The following FBN1 variants were observed in gnomAD, a reference collection of about 807,000 sequenced individuals.
FBN1 encodes fibrillin-1.
Under a neutral mutation model 365.1 loss-of-function variants are expected in FBN1, and 29 were observed. That is an observed-to-expected ratio of 0.08 (90% CI 0.06 to 0.11). FBN1 has a LOEUF of 0.11. Ranked by LOEUF, FBN1 falls within the 10% of genes least tolerant of loss-of-function variation. The pLI is 1.00. For synonymous variants in FBN1, 1,210 were observed against 1,270.5 expected (o/e 0.95, Z 1.01); for missense variants, 2,476 against 3,703.2 (o/e 0.67, Z 8.60).
At chr15:48,413,017 A>G (rs984011341) in intron 64 of FBN1, among the ~76,000 whole-genome samples, 1 of 152,220 alleles carries the variant, frequency 6.6e-6, no homozygotes, top group African/African-American at 2.4e-5. Flanking sequence ...CATGGAAAGC[A>G]TTTTGCAGTA....
At chr15:48,473,357 A>G (rs1233726154) in intron 34 of FBN1, among the ~76,000 whole-genome samples, 2 of 152,226 alleles carry the variant, frequency 1.3e-5, no homozygotes, top group African/African-American at 4.8e-5. Context: ...CAATGTTTTA[A>G]GTTATAGGAG....
In FBN1 at chr15:48,460,273, T is replaced by C; in HGVS notation, c.5269A>G (p.Ile1757Val). The change falls in exon 43 of 66, where the codon ATC becomes GTC. Residue 1757 changes from isoleucine (I) to valine (V), a missense_variant. Ile to Val is a conservative substitution (Grantham distance 29). This residue lies in a region of FBN1 where 1,780 missense variants were observed against 2,840.8 expected (regional missense o/e 0.63). Transcript: ENST00000316623. ...LCGSQRPGFV[I>V]DIYTGLPVDI... ...ACGGGTAAACCGGTATAAATGTCGA[T>C]GACAAAGCCTGGCCTTTGACTTCCA... 1 of 1,613,674 alleles carries C rather than the reference T, an allele frequency of 6.2e-7. No individual in the cohort carries two copies. Among genetic ancestry groups the C allele is most frequent in the Non-Finnish European group, 8.5e-7 (1 of 1,179,638 alleles).
At chr15:48,462,417 T>C (rs1366962169) in intron 42 of FBN1, among the ~76,000 whole-genome samples, 3 of 152,196 alleles carry the variant, frequency 2.0e-5, no homozygotes, top group Non-Finnish European at 4.4e-5. Flanking sequence ...AAGAAATTTA[T>C]CTCGATCTCA....
intron 6 of FBN1, 91 bp from the exon 7 acceptor site, chr15:48,537,899 A>C: frequency 7.9e-7 from 1 of 1,273,790 alleles, no homozygotes; most frequent in Non-Finnish European, 1.1e-6. Context: ...GCTTGACTCC[A>C]AATTGAGAAA....
At chr15:48,519,932 A>G (rs1400659677) in intron 10 of FBN1, among the ~76,000 whole-genome samples, 1 of 152,060 alleles carries the variant, frequency 6.6e-6, no homozygotes, top group East Asian at 1.9e-4. Context: ...TCGACTAACG[A>G]AAGTGTGCTG....
intron 2 of FBN1, among the ~76,000 whole-genome samples, chr15:48,625,799 G>T (rs1052799733): frequency 1.3e-5 from 2 of 152,168 alleles, no homozygotes; most frequent in African/African-American, 2.4e-5. Flanking sequence ...AATTATTCAA[G>T]AATTTCACCT....
At position 48,446,686 on chromosome 15, in the gene FBN1, G is replaced by A. The variant is rs774849948; in HGVS notation, c.5788+20C>T. 1.4e-6 allele frequency: 2 copies of A among 1,435,760 alleles called. No individual in the cohort carries two copies. The highest frequency in any genetic ancestry group is 2.0e-6 in the Non-Finnish European group (2 of 1,017,236). 88.9% of individuals were successfully genotyped at this position (1,435,760 alleles called of 1,614,324 possible). ...TATAAAACTGACTTCCTTTGCTGAT[G>A]CACAATTTTGCACACGCACCTATAC... On this transcript the variant is annotated intron_variant, in intron 47 of 65. Transcript: ENST00000316623.
At chr15:48,413,521 T>C (rs1225712066) in intron 64 of FBN1, among the ~76,000 whole-genome samples, 1 of 152,200 alleles carries the variant, frequency 6.6e-6, no homozygotes, top group Non-Finnish European at 1.5e-5. Context: ...GGAGGGAGGC[T>C]CGAATGTTTC....
At position 48,420,673 on chromosome 15, in the gene FBN1, GAA is replaced by G; in HGVS notation, c.7819+12_7819+13del. ...GATAGCCATGCATCTTGAGAGTGAG[GAA>G]AAGTTACTTGCCAACACACTGGTTC... On this transcript the variant is annotated intron_variant, in intron 63 of 65. Coordinates refer to ENST00000316623, the MANE Select transcript of FBN1 (RefSeq NM_000138.5). 6.2e-7 allele frequency: 1 copy of G among 1,614,010 alleles called. No individual in the cohort carries two copies. Among genetic ancestry groups the G allele is most frequent in the Middle Eastern group, 1.6e-4 (1 of 6,062 alleles).
At chr15:48,415,850 G>T in intron 63 of FBN1, 83 bp from the exon 64 acceptor site, 1 of 1,169,798 alleles carries the variant, frequency 8.5e-7, no homozygotes, top group Non-Finnish European at 1.3e-6. Flanking sequence ...CTTGCTGCCG[G>T]CCAGCTGGCC....
intron 13 of FBN1, among the ~76,000 whole-genome samples, chr15:48,512,314 A>G (rs1446384692): frequency 6.6e-6 from 1 of 152,212 alleles, no homozygotes; most frequent in Non-Finnish European, 1.5e-5. Context: ...AAACCTCGCT[A>G]TCTTTTACTT....
At chr15:48,544,872 G>A (rs1460119170) in intron 6 of FBN1, among the ~76,000 whole-genome samples, 1 of 152,166 alleles carries the variant, frequency 6.6e-6, no homozygotes, top group Non-Finnish European at 1.5e-5. Flanking sequence ...AAGACTGGGA[G>A]AATCGGTAAA....
At chr15:48,552,126 G>C (rs1420915269) in intron 6 of FBN1, among the ~76,000 whole-genome samples, 1 of 152,130 alleles carries the variant, frequency 6.6e-6, no homozygotes, top group African/African-American at 2.4e-5. Flanking sequence ...CAACAACAGT[G>C]TATAAGTGTT....
chr15:48,462,579 C>T (rs934729275), intron 42 of FBN1, among the ~76,000 whole-genome samples: 1 of 152,092 alleles, frequency 6.6e-6, no homozygotes, highest in Non-Finnish European at 1.5e-5. Context: ...GTAGAATTCC[C>T]GGCTTGAATT....
At chr15:48,501,417 C>T (rs995197767) in intron 17 of FBN1, among the ~76,000 whole-genome samples, 10 of 152,256 alleles carry the variant, frequency 6.6e-5, no homozygotes, top group East Asian at 1.9e-4. Flanking sequence ...GGCAAGAAGG[C>T]CCCCCACAGA....
At chr15:48,471,555 C>T (rs971326985) in intron 35 of FBN1, among the ~76,000 whole-genome samples, 7 of 152,048 alleles carry the variant, frequency 4.6e-5, no homozygotes, top group African/African-American at 1.7e-4. Context: ...TTCTTGACTC[C>T]AAGGAGTTTT....
At chr15:48,537,879 G>A in intron 6 of FBN1, 71 bp from the exon 7 acceptor site, 3 of 1,457,528 alleles carry the variant, frequency 2.1e-6, no homozygotes, top group African/African-American at 1.4e-5. Flanking sequence ...GAACAGCTGT[G>A]CTCCATCTTG....
intron 6 of FBN1, among the ~76,000 whole-genome samples, chr15:48,591,920 A>G (rs2044480403): frequency 6.6e-6 from 1 of 152,164 alleles, no homozygotes; most frequent in African/African-American, 2.4e-5. Flanking sequence ...TTTACCACTT[A>G]TAAGCTGTCC....
chr15:48,485,810 T>C (rs1327801624), intron 29 of FBN1, among the ~76,000 whole-genome samples: 3 of 152,230 alleles, frequency 2.0e-5, no homozygotes, highest in South Asian at 4.1e-4. Context: ...TAATAATTTC[T>C]ATTCATTATA....
Sources: gnomAD v4.1 joint callset for allele counts (sites outside exome capture counted in the v4.1 genomes callset) on GRCh38, gnomAD v4.1.1 for gene constraint, gnomAD v4.1.1 regional missense constraint, MANE v1.5 for transcripts, NCBI Gene and HGNC (gene_info 2026-07-23, HGNC 2026-07-21) for gene names.